Variants in ABCA10 observed in about 807,000 individuals in gnomAD.
ABCA10 encodes ATP-binding cassette sub-family A member 10.
ABCA10 carries 169 observed loss-of-function variants against 187.5 expected under a neutral mutation model. The observed-to-expected ratio is 0.90, with a 90% CI of 0.80 to 1.02. The LOEUF (loss-of-function observed/expected upper bound fraction) is 1.02. ABCA10 is among the 50% of genes least tolerant of loss of function. ABCA10 has a pLI of 0.00. For synonymous variants in ABCA10, 574 were observed against 601.8 expected, an observed-to-expected ratio of 0.95 and a Z score of 0.68; for missense variants, 1,727 against 1,812.4, an observed-to-expected ratio of 0.95 and a Z score of 0.86.
At chr17:69,215,781 T>C in intron 8 of ABCA10, 34 bp downstream of exon 8, 4 of 1,423,422 alleles carry the variant, frequency 2.8e-6, no homozygotes, top group Non-Finnish European at 3.7e-6. Flanking sequence ...TTTGAAAATC[T>C]AATAATAAAA....
chr17:69,156,019 A>T, intron 28 of ABCA10, 94 bp from the exon 29 acceptor site: 4 of 1,349,324 alleles, frequency 3.0e-6, no homozygotes, highest in Non-Finnish European at 3.9e-6. Flanking sequence ...TATCCTTTTT[A>T]AAAAAGACTA....
At position 69,197,722 on chromosome 17, in the gene ABCA10, C is replaced by T. The variant is rs9890312; in HGVS notation, c.1176-600G>A. Among the ~76,000 whole-genome samples the T allele has an allele frequency of 3.8e-3, 585 of 152,238 alleles. 5 individuals are homozygous for T. Among genetic ancestry groups the T allele is most frequent in the African/African-American group, 0.014 (564 of 41,544 alleles). On this transcript the variant is annotated intron_variant, in intron 10 of 38. Transcript: ENST00000690296. ...TTTTGTTTTCTTAAGTCTCTAACTC[C>T]CTGGCTTCTACACTTTGGTTCCACA...
At chr17:69,210,126 C>A (rs1166063111) in intron 9 of ABCA10, among the ~76,000 whole-genome samples, 2 of 136,916 alleles carry the variant, frequency 1.5e-5, no homozygotes, top group Non-Finnish European at 3.1e-5. Context: ...TTTGAGGGAA[C>A]AGGTGATGTT....
At chr17:69,194,611 A>G (rs1032541053) in intron 11 of ABCA10, 116 bp from the exon 12 acceptor site, 15 of 614,806 alleles carry the variant, frequency 2.4e-5, no homozygotes, top group African/African-American at 7.5e-5. Flanking sequence ...ATTTTAATAC[A>G]TCCCCTATAA....
chr17:69,208,417 CAAAAAAAAAAAA>C (rs67858017), intron 9 of ABCA10, among the ~76,000 whole-genome samples: 3 of 89,422 alleles, frequency 3.4e-5, no homozygotes, highest in African/African-American at 9.1e-5. Context: ...GACTCTGTCT[CAAAAAAAAAAAA>C]AAAAAAAAAA....
chr17:69,181,823 T>C (rs1191603300), intron 22 of ABCA10, among the ~76,000 whole-genome samples: 1 of 151,754 alleles, frequency 6.6e-6, no homozygotes, highest in Non-Finnish European at 1.5e-5. Flanking sequence ...ATTCTCAACA[T>C]CTAGAAGTAC....
At chr17:69,205,718 T>A (rs1598114363) in intron 9 of ABCA10, among the ~76,000 whole-genome samples, 1 of 152,106 alleles carries the variant, frequency 6.6e-6, no homozygotes, top group South Asian at 2.1e-4. Context: ...AAACAGGAAT[T>A]GAAAAGAAAA....
At chr17:69,153,750 T>C in intron 32 of ABCA10, 81 bp downstream of exon 32, 1 of 1,500,514 alleles carries the variant, frequency 6.7e-7, no homozygotes, top group Non-Finnish European at 8.9e-7. Flanking sequence ...ACATTGTTTA[T>C]AATTTCCTTT....
chr17:69,151,949 G>A lies in ABCA10; in HGVS notation c.4397+94C>T, dbSNP rs1336915911. On this transcript the variant is annotated intron_variant, in intron 36 of 38. Transcript: ENST00000690296. ...GTTTTGTGATGAATAAGTCCACTCT[G>A]CCTTTCTCTTCCGGTTTAGACTAGC... The A allele has an allele frequency of 4.0e-6, 6 of 1,500,350 alleles. No homozygotes were observed. The East Asian group carries it at 6.8e-5, about 17-fold the overall frequency. 92.9% of individuals were successfully genotyped at this position (1,500,350 alleles called of 1,614,324 possible). A position where few individuals can be genotyped will look rare whatever the true frequency, so the allele number is the denominator to read the frequency against.
chr17:69,184,849 ATGTG>A (rs139291537), intron 20 of ABCA10, among the ~76,000 whole-genome samples: 58,693 of 143,818 alleles, frequency 0.41, 13,238 homozygotes, highest in Non-Finnish European at 0.5. Flanking sequence ...ATATATGTAT[ATGTG>A]TGTGTGTGTG....
chr17:69,210,693 C>CCATTA (rs2074637122), intron 9 of ABCA10, among the ~76,000 whole-genome samples: 1 of 151,760 alleles, frequency 6.6e-6, no homozygotes, highest in Non-Finnish European at 1.5e-5. Context: ...CCTGAGTTAA[C>CCATTA]TTCACTTAGA....
At chr17:69,158,891 T>A (rs1185392002) in intron 27 of ABCA10, among the ~76,000 whole-genome samples, 1 of 152,058 alleles carries the variant, frequency 6.6e-6, no homozygotes, top group Non-Finnish European at 1.5e-5. Flanking sequence ...ATAAGCAAAT[T>A]TAATACTGAT....
intron 6 of ABCA10, among the ~76,000 whole-genome samples, chr17:69,217,378 C>T (rs1439558342): frequency 6.6e-6 from 1 of 152,072 alleles, no homozygotes; most frequent in Admixed American, 6.6e-5. Flanking sequence ...TTTAAACAAC[C>T]ACCACATGAT....
chr17:69,226,887 G>A (rs1456995031), intron 2 of ABCA10, among the ~76,000 whole-genome samples: 1 of 151,720 alleles, frequency 6.6e-6, no homozygotes, highest in African/African-American at 2.4e-5. Flanking sequence ...AAAATGGCTG[G>A]TTCTATTCTG....
At chr17:69,204,467 C>A (rs1782920715) in intron 9 of ABCA10, among the ~76,000 whole-genome samples, 1 of 152,144 alleles carries the variant, frequency 6.6e-6, no homozygotes, top group Admixed American at 6.5e-5. Flanking sequence ...GATAAACTTA[C>A]CTATCCTCTA....
rs901617341 is a variant in ABCA10 at position 69,216,871 on chromosome 17, C to T, written c.531-513G>A. Among the ~76,000 whole-genome samples, 7 of 152,136 alleles carry T rather than the reference C, an allele frequency of 4.6e-5. No individual in the cohort carries two copies. In the East Asian group the frequency reaches 1.3e-3, roughly 29 times the overall value. On this transcript the variant is annotated intron_variant, in intron 6 of 38. Coordinates refer to ENST00000690296, the MANE Select transcript of ABCA10 (RefSeq NM_001377321.1). ...CATTTCATTTTTTATCCTTGTATGG[C>T]TATGGACATTAGACAATGTATTATT...
intron 25 of ABCA10, among the ~76,000 whole-genome samples, chr17:69,173,221 T>C (rs1448382580): frequency 1.3e-5 from 2 of 152,178 alleles, no homozygotes; most frequent in East Asian, 1.9e-4. Context: ...AGTACAACCA[T>C]TGATAAAACT....
rs189371668 is a variant in ABCA10, at chr17:69,182,118, T to C, written c.2769+35A>G. The C allele has an allele frequency of 1.1e-4, 164 of 1,507,466 alleles. No individual in the cohort carries two copies. The African/African-American group carries it at 2.0e-3, about 18-fold the overall frequency. The allele number at this position is 1,507,466 out of a possible 1,614,324, so 93.4% of individuals were successfully genotyped here. On this transcript the variant is annotated intron_variant, in intron 22 of 38. Transcript: ENST00000690296. Reference sequence around the variant, plus strand: ...GCCCTCATCCTTTATCCCTCTGCTGTGTTGCCTCTTATATAAGTCGAATAC... The same window carrying C: ...GCCCTCATCCTTTATCCCTCTGCTGCGTTGCCTCTTATATAAGTCGAATAC...
intron 8 of ABCA10, 73 bp from the exon 9 acceptor site, chr17:69,214,924 T>C (rs965584613): frequency 1.6e-4 from 164 of 1,047,160 alleles, no homozygotes; most frequent in Middle Eastern, 3.2e-4. Context: ...TTTTAAAAAA[T>C]AGTGGTACCT....
Sources: gnomAD v4.1 joint callset for allele counts (sites outside exome capture counted in the v4.1 genomes callset) on GRCh38, gnomAD v4.1.1 for gene constraint, MANE v1.5 for transcripts, NCBI Gene and HGNC (gene_info 2026-07-23, HGNC 2026-07-21) for gene names.